ZBTB25: variants seen among roughly 807,000 people sequenced by gnomAD.
ZBTB25 encodes zinc finger and BTB domain-containing protein 25.
In ZBTB25, 20 loss-of-function variants were observed where a neutral mutation model predicts 34.2. That is an observed-to-expected ratio of 0.58 (90% confidence interval 0.41 to 0.85). ZBTB25 has a LOEUF of 0.85. ZBTB25 is among the 40% of genes least tolerant of loss of function. The pLI, the probability that ZBTB25 is intolerant of heterozygous loss-of-function variation, is 0.00. For synonymous variants in ZBTB25, 175 were observed against 186.4 expected (o/e 0.94, Z 0.50); for missense variants, 437 against 521.8 (o/e 0.84, Z 1.58).
In ZBTB25 at chr14:64,482,722, TTAGA is replaced by T. The variant is rs1399588384; in HGVS notation, c.*4197_*4200del. On this transcript the variant is annotated 3_prime_UTR_variant, in exon 3 of 3. Coordinates refer to ENST00000608382, the MANE Select transcript of ZBTB25 (RefSeq NM_006977.5). Reference sequence around the variant, plus strand: ...AGTTCTGTCAATTAGTTATTGAATATTAGATAGTACATTACTGCTTTTAAGAACA... The same window carrying T: ...AGTTCTGTCAATTAGTTATTGAATATTAGTACATTACTGCTTTTAAGAACA... 1 of 152,248 alleles carries T rather than the reference TTAGA, an allele frequency of 6.6e-6. No individual in the cohort carries two copies. The highest frequency in any genetic ancestry group is 1.5e-5 in the Non-Finnish European group (1 of 68,042). The allele number at this position is 152,248 out of a possible 1,614,324, so 9.4% of individuals were successfully genotyped here.
chr14:64,503,474 G>T, intron 1 of ZBTB25, 187 bp downstream of exon 1: 3 of 985,362 alleles, frequency 3.0e-6, no homozygotes, highest in Non-Finnish European at 3.6e-6. Flanking sequence ...TCGGCCCAGC[G>T]CTCACTCGCG....
At chr14:64,473,490 T>C (rs934788022), downstream of ZBTB25, 3 of 167,112 alleles carry the variant, frequency 1.8e-5, no homozygotes, top group African/African-American at 7.2e-5. Context: ...ATTAAAGATA[T>C]GGATCATGGA....
At chr14:64,488,425 CA>C (rs2078958699) in intron 2 of ZBTB25, among the ~76,000 whole-genome samples, 1 of 151,892 alleles carries the variant, frequency 6.6e-6, no homozygotes, top group South Asian at 2.1e-4. Context: ...AGTAAACGAT[CA>C]AAAGAACTAA....
intron 2 of ZBTB25, among the ~76,000 whole-genome samples, chr14:64,452,552 TCACCA>T (rs2078391319): frequency 6.6e-6 from 1 of 152,212 alleles, no homozygotes; most frequent in African/African-American, 2.4e-5. Context: ...ACTGAGGCCC[TCACCA>T]GTTAGACCAC....
intron 1 of ZBTB25, among the ~76,000 whole-genome samples, chr14:64,501,351 A>C (rs2079491331): frequency 6.6e-6 from 1 of 152,210 alleles, no homozygotes; most frequent in Non-Finnish European, 1.5e-5. Context: ...AAAAATCCTA[A>C]GCTTAGGACA....
At chr14:64,469,696 C>G in intron 2 of ZBTB25, 1 of 1,503,492 alleles carries the variant, frequency 6.7e-7, no homozygotes, top group Non-Finnish European at 8.9e-7. Context: ...TCCAGAGTCA[C>G]GGCAGAAAAA....
rs775641356 is a variant in ZBTB25, at chr14:64,453,831, T to G, written c.174-4193A>C. The stretch of plus-strand genomic sequence containing the variant: ...ATGACATTGAATTACTTCCCGAAGC[T>G]CAACACAAAGCTGAAGTCTACACGA... On this transcript the variant is annotated intron_variant, in intron 2 of 2. Transcript: ENST00000555220. 1.2e-6 allele frequency: 2 copies of G among 1,611,858 alleles called. No homozygotes were observed. Among genetic ancestry groups the G allele is most frequent in the Admixed American group, 3.3e-5 (2 of 60,024 alleles).
intron 1 of ZBTB25, 99 bp from the exon 2 acceptor site, chr14:64,490,639 A>G (rs754055199): frequency 1.4e-4 from 147 of 1,056,316 alleles, no homozygotes; most frequent in Non-Finnish European, 1.9e-4. Context: ...AAACCTACAG[A>G]GTAACAAGGA....
intron 1 of ZBTB25, 144 bp from the exon 2 acceptor site, chr14:64,490,684 A>G (rs1379863949): frequency 1.3e-6 from 1 of 781,894 alleles, no homozygotes. Context: ...CAAGTTTTCA[A>G]TCCTATTACT....
At chr14:64,457,323 CT>C (rs1398678635) in intron 2 of ZBTB25, among the ~76,000 whole-genome samples, 2 of 152,198 alleles carry the variant, frequency 1.3e-5, no homozygotes, top group Non-Finnish European at 2.9e-5. Flanking sequence ...AGCAACTCCT[CT>C]ACTCCCCAGC....
intron 2 of ZBTB25, chr14:64,469,069 G>A (rs1349040404): frequency 5.6e-6 from 9 of 1,613,912 alleles, no homozygotes; most frequent in African/African-American, 4.0e-5. Context: ...CTATTCAAAC[G>A]GGAACTCTAA....
At chr14:64,464,429 A>G (rs1009864769) in intron 2 of ZBTB25, among the ~76,000 whole-genome samples, 6 of 152,122 alleles carry the variant, frequency 3.9e-5, no homozygotes, top group Non-Finnish European at 5.9e-5. Flanking sequence ...GACAGCTTAT[A>G]TTTGGCTTTG....
In ZBTB25 at chr14:64,465,213, CCCCCCGCCTT is replaced by C. The variant is rs992251689; in HGVS notation, c.174-15585_174-15576del. ...AAACGCGGGGTTCATTGCCCTGGTC[CCCCCCGCCTT>C]CCCCCGCCCCCCGAACCTTCCGGCT... On this transcript the variant is annotated intron_variant, in intron 2 of 2. Coordinates refer to the ZBTB25 transcript ENST00000555220. Among the ~76,000 whole-genome samples, 284 of 152,182 alleles carry C rather than the reference CCCCCCGCCTT, an allele frequency of 1.9e-3. 1 individual carries two copies. The highest frequency in any genetic ancestry group is 6.4e-3 in the African/African-American group (267 of 41,554).
intron 2 of ZBTB25, chr14:64,463,416 T>G (rs2078576949): frequency 6.6e-6 from 1 of 152,164 alleles, no homozygotes; most frequent in Admixed American, 6.5e-5. Flanking sequence ...TCTGTCCGAA[T>G]TTGCCCTTCA....
intron 2 of ZBTB25, chr14:64,459,836 A>G: frequency 6.5e-7 from 1 of 1,535,994 alleles, no homozygotes; most frequent in South Asian, 1.2e-5. Context: ...TAGGAAGTAT[A>G]AGTAAGCCAA....
intron 2 of ZBTB25, among the ~76,000 whole-genome samples, chr14:64,453,525 C>T (rs888755189): frequency 1.3e-5 from 2 of 152,074 alleles, no homozygotes; most frequent in Admixed American, 1.3e-4. Flanking sequence ...GAACTGAGAT[C>T]GCGCCATTGC....
chr14:64,449,131 T>G (rs557130256), exon 3 of ZBTB25: 22 of 406,924 alleles, frequency 5.4e-5, no homozygotes, highest in South Asian at 4.8e-4. Flanking sequence ...ATTTACTGAT[T>G]CCTTCTGGAG....
At chr14:64,504,324 C>T (rs370562583), upstream of ZBTB25, among the ~76,000 whole-genome samples, 60 of 151,872 alleles carry the variant, frequency 4.0e-4, 2 homozygotes, top group South Asian at 0.012. Context: ...CCGGAGCACT[C>T]GAGGCGGACC....
chr14:64,476,469 C>T (rs1450643464), downstream of ZBTB25, among the ~76,000 whole-genome samples: 3 of 151,758 alleles, frequency 2.0e-5, no homozygotes, highest in East Asian at 5.9e-4. Flanking sequence ...TACAGGCGCC[C>T]ACCACTATGC....
Sources: gnomAD v4.1 joint callset for allele counts (sites outside exome capture counted in the v4.1 genomes callset) on GRCh38, gnomAD v4.1.1 for gene constraint, MANE v1.5 for transcripts, NCBI Gene and HGNC (gene_info 2026-07-23, HGNC 2026-07-21) for gene names.